SLC9B2: variants seen among roughly 807,000 people sequenced by gnomAD.
The protein encoded by SLC9B2 is sodium/hydrogen exchanger 9B2.
A neutral mutation model predicts 52.2 loss-of-function variants in SLC9B2; 39 were observed. The observed-to-expected ratio is 0.75, with a 90% confidence interval of 0.58 to 0.98. SLC9B2 has a LOEUF of 0.98. SLC9B2 is among the 50% of genes least tolerant of loss of function. The pLI, the probability that SLC9B2 is intolerant of heterozygous loss-of-function variation, is 0.00. For missense variants in SLC9B2, 626 were observed against 637.5 expected (o/e 0.98, Z 0.19); for synonymous variants, 214 against 227.0 (o/e 0.94, Z 0.51).
At chr4:103,054,954 C>T (rs1744996242) in intron 4 of SLC9B2, among the ~76,000 whole-genome samples, 1 of 152,094 alleles carries the variant, frequency 6.6e-6, no homozygotes, top group Non-Finnish European at 1.5e-5. Context: ...TTTATTGTGG[C>T]ACTATTCACA....
chr4:103,029,307 T>C (rs972124261), intron 10 of SLC9B2, among the ~76,000 whole-genome samples: 14 of 152,162 alleles, frequency 9.2e-5, no homozygotes, highest in African/African-American at 3.4e-4. Context: ...GAAAGACACA[T>C]AAACAACCAA....
At chr4:103,069,036 T>A (rs1378358495) in intron 1 of SLC9B2, among the ~76,000 whole-genome samples, 2 of 152,222 alleles carry the variant, frequency 1.3e-5, no homozygotes, top group East Asian at 3.8e-4. Flanking sequence ...TAGTTTGTTT[T>A]TTATTATACA....
At chr4:103,057,336 G>A (rs1745241317) in intron 4 of SLC9B2, among the ~76,000 whole-genome samples, 1 of 149,078 alleles carries the variant, frequency 6.7e-6, no homozygotes, top group African/African-American at 2.5e-5. Context: ...TTTGAGACAA[G>A]GTCTCATTCT....
At chr4:103,037,251 C>T (rs145262271) in intron 9 of SLC9B2, among the ~76,000 whole-genome samples, 2,526 of 151,796 alleles carry the variant, frequency 0.017, 34 homozygotes, top group Non-Finnish European at 0.026. Context: ...GTTTAATCTT[C>T]ACAGTGTTTT....
chr4:103,068,883 G>C (rs1174250864), intron 1 of SLC9B2, among the ~76,000 whole-genome samples: 1 of 152,014 alleles, frequency 6.6e-6, no homozygotes, highest in African/African-American at 2.4e-5. Flanking sequence ...CTCCCTCAAG[G>C]AATCATTTTC....
intron 1 of SLC9B2, 146 bp from the exon 2 acceptor site, chr4:103,067,738 TATTG>T: frequency 1.7e-6 from 1 of 572,180 alleles, no homozygotes. Flanking sequence ...AATGGCTGGT[TATTG>T]TTTTTGCTTG....
In SLC9B2 at chr4:103,044,995, G is replaced by A; in HGVS notation, c.891C>T (p.Gly297=). Residue 297 remains glycine, a splice_region_variant and synonymous_variant, in exon 8 of 12, where the codon GGC becomes GGT. Transcript: ENST00000394785. ...CTCTGAGGACATTAAAGACAGTAGA[G>A]CCTGAAAAATATATTAAAAAAACTT... The part of the protein sequence containing the change: ...NTCLGIAFST[G]STVFNVLRGV... 5.6e-6 allele frequency: 9 copies of A among 1,604,866 alleles called. No individual in the cohort carries two copies. The highest frequency in any genetic ancestry group is 7.7e-6 in the Non-Finnish European group (9 of 1,173,940).
At chr4:103,027,179 C>G (rs1477777076) in intron 11 of SLC9B2, among the ~76,000 whole-genome samples, 1 of 152,060 alleles carries the variant, frequency 6.6e-6, no homozygotes, top group Non-Finnish European at 1.5e-5. Context: ...TCCAGAATCA[C>G]AATATTAATT....
chr4:103,026,120 G>A lies in SLC9B2; in HGVS notation c.*250C>T, dbSNP rs995390631. On this transcript the variant is annotated 3_prime_UTR_variant, in exon 12 of 12. Coordinates refer to ENST00000394785, the MANE Select transcript of SLC9B2 (RefSeq NM_178833.7). The stretch of plus-strand genomic sequence containing the variant: ...TAAACTGTGGTAGTACATTAAAGTA[G>A]ATATGTCCTTATGCAAATTAAGATG... 2 of 363,540 alleles carry A rather than the reference G, an allele frequency of 5.5e-6. No individual in the cohort carries two copies. The highest frequency in any genetic ancestry group is 4.1e-5 in the African/African-American group (2 of 48,408). The allele number at this position is 363,540 out of a possible 1,614,324, so 22.5% of individuals were successfully genotyped here.
chr4:103,074,033 A>C (rs1746902358), intron 1 of SLC9B2, among the ~76,000 whole-genome samples: 2 of 152,206 alleles, frequency 1.3e-5, no homozygotes, highest in Admixed American at 1.3e-4. Context: ...TGTAGGCAAG[A>C]CTATTGGGGC....
rs1742080233 is a variant in SLC9B2 at position 103,025,015 on chromosome 4, A to C, written c.*1355T>G. Among the ~76,000 whole-genome samples the C allele has an allele frequency of 6.6e-6, 1 of 152,232 alleles. No homozygotes were observed. The highest frequency in any genetic ancestry group is 1.5e-5 in the Non-Finnish European group (1 of 68,036). On this transcript the variant is annotated 3_prime_UTR_variant, in exon 12 of 12. Coordinates refer to ENST00000394785, the MANE Select transcript of SLC9B2 (RefSeq NM_178833.7). ...AAGAATATGCTACTGAATGATGGTA[A>C]CATCCAACACAGTGGAAGCTCTGGC...
At chr4:103,029,826 C>T (rs1346759208) in intron 10 of SLC9B2, among the ~76,000 whole-genome samples, 1 of 151,950 alleles carries the variant, frequency 6.6e-6, no homozygotes, top group African/African-American at 2.4e-5. Context: ...CCTTACAACC[C>T]GTGGAGTAAG....
chr4:103,062,588 G>C (rs1745761922), intron 3 of SLC9B2, among the ~76,000 whole-genome samples: 1 of 151,944 alleles, frequency 6.6e-6, no homozygotes, highest in South Asian at 2.1e-4. Flanking sequence ...TACGATTATG[G>C]AAAACCACAA....
intron 1 of SLC9B2, among the ~76,000 whole-genome samples, chr4:103,074,632 G>T (rs56015949): frequency 0.015 from 2,300 of 152,286 alleles, 27 homozygotes; most frequent in Middle Eastern, 0.061. Flanking sequence ...TTAGTCAACA[G>T]AAATTATTTG....
At chr4:103,070,927 C>T (rs1184694178) in intron 1 of SLC9B2, among the ~76,000 whole-genome samples, 1 of 151,718 alleles carries the variant, frequency 6.6e-6, no homozygotes, top group Non-Finnish European at 1.5e-5. Flanking sequence ...ATAGTGGGGG[C>T]GACAGAGCAA....
intron 3 of SLC9B2, among the ~76,000 whole-genome samples, chr4:103,062,463 A>T (rs1745747566): frequency 6.6e-6 from 1 of 152,166 alleles, no homozygotes; most frequent in Admixed American, 6.5e-5. Flanking sequence ...ACTATTAAAA[A>T]AATCTCTCTT....
rs1383549559 is a variant in SLC9B2 at position 103,024,213 on chromosome 4, T to A, written c.*2157A>T. ...ACAGGGACAATATTATTCTTGATGA[T>A]GTGCCTGGATCTCAAAAGCTTTCAG... On this transcript the variant is annotated 3_prime_UTR_variant, in exon 12 of 12. Transcript: ENST00000394785. 6.6e-6 allele frequency among the ~76,000 whole-genome samples: 1 copy of A among 152,244 alleles called. No homozygotes were observed. The highest frequency in any genetic ancestry group is 2.4e-5 in the African/African-American group (1 of 41,470).
chr4:103,041,920 T>C (rs1743680663), intron 9 of SLC9B2: 1 of 152,164 alleles, frequency 6.6e-6, no homozygotes, highest in Admixed American at 6.5e-5. Flanking sequence ...TCAAAGGTAA[T>C]TTTGTGAAAA....
In SLC9B2 at chr4:103,057,907, T is replaced by G; in HGVS notation, c.336A>C (p.Gly112=). 1 of 1,613,912 alleles carries G rather than the reference T, an allele frequency of 6.2e-7. No homozygotes were observed. Among genetic ancestry groups the G allele is most frequent in the Non-Finnish European group, 8.5e-7 (1 of 1,179,970 alleles). ...WSITGSECLP[G]GNLFGIIILF... ...GGATTATAATTCCAAATAGGTTTCCTCCAGGAAGACATTCACTGCCAGTAA... is the reference window on the plus strand; with the variant it reads ...GGATTATAATTCCAAATAGGTTTCCGCCAGGAAGACATTCACTGCCAGTAA... The change falls in exon 4 of 12, where the codon GGA becomes GGC. Residue 112 remains glycine (G), a synonymous_variant. Transcript: ENST00000394785.
Sources: allele counts gnomAD v4.1 joint callset (sites outside exome capture counted in the v4.1 genomes callset), GRCh38; gene constraint gnomAD v4.1.1; transcripts MANE v1.5; gene names NCBI Gene and HGNC (gene_info 2026-07-23, HGNC 2026-07-21).